Variants in KIF6 observed in about 807,000 individuals in gnomAD.
The protein encoded by KIF6 is kinesin family member 6, also known as kinesin-like protein KIF6.
KIF6 carries 106 observed loss-of-function variants against 112.7 expected under a neutral mutation model. The observed-to-expected ratio is 0.94, with a 90% CI of 0.80 to 1.11. The LOEUF (loss-of-function observed/expected upper bound fraction) is 1.11, where lower values mean the gene tolerates loss of function less well. Among genes scored for constraint, KIF6 ranks in the 50% least tolerant of loss-of-function variants. KIF6 has a pLI of 0.00. For synonymous variants in KIF6, 339 were observed against 339.9 expected (o/e 1.00, Z 0.03); for missense variants, 929 against 964.0 (o/e 0.96, Z 0.48).
intron 19 of KIF6, chr6:39,353,899 T>A: frequency 1.8e-6 from 1 of 567,802 alleles, no homozygotes; most frequent in Non-Finnish European, 3.2e-6. Flanking sequence ...TACTGCTAAG[T>A]GGAGCTAAGT....
At position 39,336,444 on chromosome 6, in the gene KIF6, T is replaced by C; in HGVS notation, c.*88A>G. On this transcript the variant is annotated 3_prime_UTR_variant, in exon 23 of 23. Transcript: ENST00000287152. ...TTGCTCCCAGCAGCCCATAGTTCACTTCTGAAGCCAGAGCAAGTGAGGGGC... is the reference window on the plus strand; with the variant it reads ...TTGCTCCCAGCAGCCCATAGTTCACCTCTGAAGCCAGAGCAAGTGAGGGGC... 1.5e-6 allele frequency: 2 copies of C among 1,307,742 alleles called. No individual in the cohort carries two copies. The highest frequency in any genetic ancestry group is 1.2e-5 in the South Asian group (1 of 83,978). 81.0% of individuals were successfully genotyped at this position (1,307,742 alleles called of 1,614,324 possible). A position where few individuals can be genotyped will look rare whatever the true frequency, so the allele number is the denominator to read the frequency against.
chr6:39,568,262 A>G (rs1780428660), intron 10 of KIF6, among the ~76,000 whole-genome samples: 1 of 152,212 alleles, frequency 6.6e-6, no homozygotes, highest in Non-Finnish European at 1.5e-5. Flanking sequence ...GGTATATTCT[A>G]GATCAAGTGG....
chr6:39,538,049 C>G (rs1778549442), intron 13 of KIF6, among the ~76,000 whole-genome samples: 1 of 152,154 alleles, frequency 6.6e-6, no homozygotes, highest in African/African-American at 2.4e-5. Flanking sequence ...TTCCTTACAC[C>G]TTATACAAAA....
rs1289408247 is a variant in KIF6, at chr6:39,331,880, T to A, written c.*4652A>T. The A allele has an allele frequency of 6.6e-6, 1 of 152,200 alleles. No individual in the cohort carries two copies. Among genetic ancestry groups the A allele is most frequent in the Non-Finnish European group, 1.5e-5 (1 of 68,030 alleles). 9.4% of individuals were successfully genotyped at this position (152,200 alleles called of 1,614,324 possible). On this transcript the variant is annotated 3_prime_UTR_variant, in exon 23 of 23. Coordinates refer to ENST00000287152, the MANE Select transcript of KIF6 (RefSeq NM_145027.6). ...GATTTGAAACACACACCCATTGCAT[T>A]TTAAAAAATGTTTCTGTCTATTTAC...
rs74315675 is a variant in KIF6 at position 39,584,729 on chromosome 6, G to A, written c.1077+169C>T. Among the ~76,000 whole-genome samples the A allele has an allele frequency of 6.8e-4, 103 of 152,214 alleles. 1 individual carries two copies. In the East Asian group the frequency reaches 0.018, roughly 27 times the overall value. On this transcript the variant is annotated intron_variant, in intron 9 of 22. Coordinates refer to ENST00000287152, the MANE Select transcript of KIF6 (RefSeq NM_145027.6). ...TTTACCTCAGTTTTGTCATCTTTAA[G>A]GTGGAGATAGAGATAGCATCTACTC... is the stretch of plus-strand genomic sequence containing the variant.
intron 7 of KIF6, among the ~76,000 whole-genome samples, chr6:39,594,395 C>T (rs373482899): frequency 9.2e-5 from 14 of 152,236 alleles, no homozygotes; most frequent in African/African-American, 3.4e-4. Flanking sequence ...TGAATACAGT[C>T]CATTATGTTT....
At chr6:39,511,105 A>G (rs555316797) in intron 13 of KIF6, among the ~76,000 whole-genome samples, 2 of 152,244 alleles carry the variant, frequency 1.3e-5, no homozygotes, top group Non-Finnish European at 2.9e-5. Flanking sequence ...CTACCACACA[A>G]TAATAATGGG....
intron 10 of KIF6, among the ~76,000 whole-genome samples, chr6:39,547,991 C>T (rs1015934303): frequency 2.0e-5 from 3 of 152,108 alleles, no homozygotes; most frequent in Admixed American, 6.5e-5. Context: ...GAATACATAG[C>T]AGAAATTTTG....
At chr6:39,505,207 C>A (rs1582001188) in intron 13 of KIF6, among the ~76,000 whole-genome samples, 2 of 152,118 alleles carry the variant, frequency 1.3e-5, no homozygotes, top group African/African-American at 4.8e-5. Context: ...ATACCTATAA[C>A]CATCTGATCT....
intron 15 of KIF6, among the ~76,000 whole-genome samples, chr6:39,417,321 T>G (rs900709768): frequency 1.3e-5 from 2 of 152,114 alleles, no homozygotes; most frequent in Non-Finnish European, 2.9e-5. Flanking sequence ...ATTTGAAAGA[T>G]GGGTGGCCAG....
intron 4 of KIF6, among the ~76,000 whole-genome samples, chr6:39,639,323 A>C (rs1232644860): frequency 2.0e-5 from 3 of 152,120 alleles, no homozygotes; most frequent in Admixed American, 2.0e-4. Context: ...ATAAGATATT[A>C]GTTGGTAAAA....
At chr6:39,574,645 A>G (rs976862290) in intron 10 of KIF6, among the ~76,000 whole-genome samples, 1 of 152,084 alleles carries the variant, frequency 6.6e-6, no homozygotes, top group African/African-American at 2.4e-5. Context: ...TATATGGCTT[A>G]GCACTTGGTA....
chr6:39,548,132 T>G (rs1779163152), intron 10 of KIF6, among the ~76,000 whole-genome samples: 1 of 152,234 alleles, frequency 6.6e-6, no homozygotes, highest in Non-Finnish European at 1.5e-5. Flanking sequence ...AATCAATTCT[T>G]TCTTCTTGCT....
chr6:39,530,751 T>C (rs1778005284), intron 13 of KIF6, among the ~76,000 whole-genome samples: 2 of 152,316 alleles, frequency 1.3e-5, no homozygotes, highest in African/African-American at 4.8e-5. Flanking sequence ...GATGGTCAGA[T>C]TTACTTACTT....
chr6:39,531,141 A>G (rs1778039093), intron 13 of KIF6, among the ~76,000 whole-genome samples: 1 of 152,220 alleles, frequency 6.6e-6, no homozygotes, highest in Non-Finnish European at 1.5e-5. Flanking sequence ...AATAACAGTG[A>G]AAACAACTCA....
intron 6 of KIF6, among the ~76,000 whole-genome samples, chr6:39,605,443 T>A (rs1050122972): frequency 3.3e-5 from 5 of 152,098 alleles, no homozygotes; most frequent in Non-Finnish European, 5.9e-5. Flanking sequence ...AGCAGTTTAT[T>A]CAAACTGTCT....
chr6:39,452,542 C>T (rs1435570186), intron 13 of KIF6, among the ~76,000 whole-genome samples: 1 of 152,210 alleles, frequency 6.6e-6, no homozygotes, highest in Non-Finnish European at 1.5e-5. Flanking sequence ...TTGTTACAAA[C>T]AGTTAGTCTC....
At chr6:39,601,375 C>A (rs1302424430) in intron 6 of KIF6, among the ~76,000 whole-genome samples, 2 of 152,060 alleles carry the variant, frequency 1.3e-5, no homozygotes, top group Admixed American at 1.3e-4. Context: ...ATCTCTCAGA[C>A]AAAGTAGTAT....
intron 15 of KIF6, among the ~76,000 whole-genome samples, chr6:39,419,353 CAAAA>C (rs10682536): frequency 8.1e-4 from 60 of 73,754 alleles, no homozygotes; most frequent in Non-Finnish European, 1.4e-3. Context: ...GACTCTGTCT[CAAAA>C]AAAAAAAAAA....
Sources: allele counts gnomAD v4.1 joint callset (sites outside exome capture counted in the v4.1 genomes callset), GRCh38; gene constraint gnomAD v4.1.1; transcripts MANE v1.5; gene names NCBI Gene and HGNC (gene_info 2026-07-23, HGNC 2026-07-21).